APAF1: variants seen among roughly 807,000 people sequenced by gnomAD.
The protein encoded by APAF1 is apoptotic protease-activating factor 1.
A neutral mutation model predicts 152.4 loss-of-function variants in APAF1; 91 were observed. That is an observed-to-expected ratio of 0.60 (90% CI 0.50 to 0.71). The LOEUF is 0.71. Among genes scored for constraint, APAF1 ranks in the 30% least tolerant of loss-of-function variants. The pLI is 0.00. For synonymous variants in APAF1, 484 were observed against 494.1 expected (o/e 0.98, Z 0.27); for missense variants, 1,283 against 1,472.0 (o/e 0.87, Z 2.10).
chr12:98,722,774 C>T (rs2097744818), intron 22 of APAF1, among the ~76,000 whole-genome samples: 1 of 152,190 alleles, frequency 6.6e-6, no homozygotes, highest in Non-Finnish European at 1.5e-5. Context: ...CTGGCCTTCC[C>T]AGGCCAGCTT....
At chr12:98,706,301 G>A (rs1430828794) in intron 18 of APAF1, among the ~76,000 whole-genome samples, 184 bp from the exon 19 acceptor site, 1 of 152,032 alleles carries the variant, frequency 6.6e-6, no homozygotes, top group African/African-American at 2.4e-5. Flanking sequence ...CTAGTATTTT[G>A]CTATAAAAAA....
chr12:98,728,043 T>G (rs951109987), intron 26 of APAF1, among the ~76,000 whole-genome samples: 31 of 151,960 alleles, frequency 2.0e-4, no homozygotes, highest in African/African-American at 7.5e-4. Flanking sequence ...ATCCCCATTT[T>G]GTAGTGATGA....
In APAF1 at chr12:98,704,929, A is replaced by G. The variant is rs190479087; in HGVS notation, c.2595+1430A>G. Among the ~76,000 whole-genome samples the G allele has an allele frequency of 2.0e-5, 3 of 152,062 alleles. No individual in the cohort carries two copies. In the East Asian group the frequency reaches 5.8e-4, roughly 29 times the overall value. On this transcript the variant is annotated intron_variant, in intron 18 of 26. Coordinates refer to ENST00000551964, the MANE Select transcript of APAF1 (RefSeq NM_181861.2). ...TGAGTAGCTGGGATTACAGGTGCCC[A>G]CCAGCATGCCCGGCTAATTTTTTTT...
At chr12:98,653,517 C>T (rs1245832015) in intron 4 of APAF1, among the ~76,000 whole-genome samples, 5 of 149,816 alleles carry the variant, frequency 3.3e-5, no homozygotes, top group Non-Finnish European at 5.9e-5. Context: ...ATTTGCTGGG[C>T]GTGGTGGCGC....
intron 4 of APAF1, among the ~76,000 whole-genome samples, chr12:98,654,163 C>T (rs1328591081): frequency 6.6e-6 from 1 of 152,144 alleles, no homozygotes; most frequent in African/African-American, 2.4e-5. Flanking sequence ...CAGTTTTTAA[C>T]TAAATGTTAT....
intron 22 of APAF1, among the ~76,000 whole-genome samples, chr12:98,720,341 G>A (rs1457692723): frequency 6.6e-6 from 1 of 152,140 alleles, no homozygotes; most frequent in Non-Finnish European, 1.5e-5. Flanking sequence ...TGTTTTAAAT[G>A]TAACAAAACT....
chr12:98,723,147 T>C (rs780979961), intron 22 of APAF1, 46 bp from the exon 23 acceptor site: 21 of 1,598,662 alleles, frequency 1.3e-5, no homozygotes, highest in South Asian at 6.6e-5. Context: ...TCCAATGAGA[T>C]AGGATCGGGG....
At chr12:98,697,759 A>C (rs1036786608) in intron 16 of APAF1, among the ~76,000 whole-genome samples, 3 of 152,188 alleles carry the variant, frequency 2.0e-5, no homozygotes, top group Admixed American at 2.0e-4. Context: ...ATGATGTTAG[A>C]TAACAGCATT....
intron 16 of APAF1, among the ~76,000 whole-genome samples, chr12:98,688,157 A>T (rs1422598993): frequency 6.6e-6 from 1 of 152,214 alleles, no homozygotes; most frequent in Non-Finnish European, 1.5e-5. Context: ...TGAAATTTAT[A>T]GGCCTAAAAA....
At chr12:98,722,503 T>A (rs1292160121) in intron 22 of APAF1, among the ~76,000 whole-genome samples, 3 of 152,218 alleles carry the variant, frequency 2.0e-5, no homozygotes, top group Non-Finnish European at 4.4e-5. Flanking sequence ...TTAAGAAATG[T>A]CCTTTACATA....
At chr12:98,699,744 T>C (rs1040481715) in intron 17 of APAF1, among the ~76,000 whole-genome samples, 175 bp downstream of exon 17, 14 of 152,346 alleles carry the variant, frequency 9.2e-5, no homozygotes, top group Middle Eastern at 3.4e-3. Context: ...AAGGATGGCC[T>C]TGTAAGGAAA....
chr12:98,681,849 A>C (rs759806743), intron 14 of APAF1, among the ~76,000 whole-genome samples: 57 of 152,196 alleles, frequency 3.7e-4, no homozygotes, highest in Non-Finnish European at 7.6e-4. Context: ...GAACTTTAAA[A>C]TAAGATAAAC....
chr12:98,653,942 ATTTC>A (rs2097653147), intron 4 of APAF1, among the ~76,000 whole-genome samples: 1 of 151,140 alleles, frequency 6.6e-6, no homozygotes, highest in African/African-American at 2.4e-5. Context: ...CCTTTCCAAG[ATTTC>A]TTTGTGTTAT....
intron 16 of APAF1, among the ~76,000 whole-genome samples, chr12:98,688,434 G>A (rs2097700280): frequency 6.6e-6 from 1 of 151,252 alleles, no homozygotes; most frequent in African/African-American, 2.4e-5. Context: ...TCTAAGTTCA[G>A]AGATACTAGA....
chr12:98,656,466 C>T (rs1460566590), intron 4 of APAF1, among the ~76,000 whole-genome samples: 1 of 152,190 alleles, frequency 6.6e-6, no homozygotes, highest in African/African-American at 2.4e-5. Context: ...CACTGATAAT[C>T]AAACCAGGCT....
At chr12:98,701,338 T>C (rs933009173) in intron 17 of APAF1, among the ~76,000 whole-genome samples, 17 of 152,222 alleles carry the variant, frequency 1.1e-4, no homozygotes, top group African/African-American at 3.9e-4. Context: ...TACAAGTATC[T>C]ATTTGAGCCT....
At chr12:98,690,535 T>C (rs2153328943) in intron 16 of APAF1, among the ~76,000 whole-genome samples, 1 of 152,352 alleles carries the variant, frequency 6.6e-6, no homozygotes, top group East Asian at 1.9e-4. Flanking sequence ...CTTATCTCCT[T>C]TGCTAATTCC....
intron 16 of APAF1, among the ~76,000 whole-genome samples, chr12:98,688,470 CTTT>C (rs66619012): frequency 2.7e-4 from 26 of 97,262 alleles, no homozygotes; most frequent in Admixed American, 5.5e-4. Flanking sequence ...TGTTTTCTTT[CTTT>C]TTTTTTTTTT....
intron 20 of APAF1, among the ~76,000 whole-genome samples, chr12:98,710,450 G>A (rs2153338731): frequency 6.6e-6 from 1 of 152,248 alleles, no homozygotes; most frequent in South Asian, 2.1e-4. Flanking sequence ...AGATAGTGAT[G>A]TCAAGCTAGA....
Sources: gnomAD v4.1 joint callset for allele counts (sites outside exome capture counted in the v4.1 genomes callset) on GRCh38, gnomAD v4.1.1 for gene constraint, MANE v1.5 for transcripts, NCBI Gene and HGNC (gene_info 2026-07-23, HGNC 2026-07-21) for gene names.